IDI1: variants seen among roughly 807,000 people sequenced by gnomAD.
IDI1 encodes the protein isopentenyl-diphosphate Delta-isomerase 1.
IDI1 carries 23 observed loss-of-function variants against 32.9 expected under a neutral mutation model. The observed-to-expected ratio is 0.70, with a 90% CI of 0.50 to 0.99. The LOEUF (loss-of-function observed/expected upper bound fraction) is 0.99, where lower values mean the gene tolerates loss of function less well. IDI1 is among the 50% of genes least tolerant of loss of function. The pLI is 0.00. For missense variants in IDI1, 326 were observed against 351.9 expected (o/e 0.93, Z 0.59); for synonymous variants, 133 against 128.2 (o/e 1.04, Z -0.25).
chr10:1,051,101 T>A (rs1474102958), upstream of IDI1, among the ~76,000 whole-genome samples: 5 of 152,246 alleles, frequency 3.3e-5, no homozygotes, highest in African/African-American at 1.2e-4. Context: ...AATGCCTATT[T>A]TCCTGTGCGT....
chr10:1,039,941 T>G lies in IDI1; in HGVS notation c.*1246A>C, dbSNP rs1014694094. 6.6e-6 allele frequency: 1 copy of G among 152,224 alleles called. No individual in the cohort carries two copies. The highest frequency in any genetic ancestry group is 1.5e-5 in the Non-Finnish European group (1 of 68,036). The allele number at this position is 152,224 out of a possible 1,614,324, so 9.4% of individuals were successfully genotyped here. ...CAATTTTTTTTACTTTTCAATAAAA[T>G]ACTTGCTAAACAGTCTTGTCTGAAA... On this transcript the variant is annotated 3_prime_UTR_variant, in exon 5 of 5. Transcript: ENST00000381344.
intron 1 of IDI1, chr10:1,048,126 G>T: frequency 2.8e-6 from 2 of 713,792 alleles, no homozygotes; most frequent in Non-Finnish European, 4.2e-6. Context: ...CTCCCAAAGT[G>T]CTGGGATTAA....
upstream of IDI1, among the ~76,000 whole-genome samples, chr10:1,051,609 T>C (rs1833015670): frequency 6.6e-6 from 1 of 152,202 alleles, no homozygotes; most frequent in African/African-American, 2.4e-5. Context: ...TTATGTGCAT[T>C]TCCCATTTTG....
rs781744467 is a variant in IDI1, at chr10:1,048,908, C to G, written c.96G>C (p.Gly32=). The G allele has an allele frequency of 6.2e-7, 1 of 1,606,034 alleles. No homozygotes were observed. The highest frequency in any genetic ancestry group is 1.1e-5 in the South Asian group (1 of 90,596). ...AVRAADCAQS[G]RHPGPAVVCG... ...AGACAACCGCCGGTCCCGGATGGCG[C>G]CCGCTTTGAGCACAGTCTGCGGCGC... The change falls in exon 1 of 5, where the codon GGG becomes GGC. Residue 32 remains glycine, a synonymous_variant. Coordinates refer to ENST00000381344, the MANE Select transcript of IDI1 (RefSeq NM_004508.4).
Position 1,040,413 on chromosome 10 carries a change from G to A in IDI1, c.*774C>T, listed in dbSNP as rs2131565204. The A allele has an allele frequency of 6.6e-6, 1 of 152,354 alleles. No homozygotes were observed. The highest frequency in any genetic ancestry group is 1.9e-4 in the East Asian group (1 of 5,186). 9.4% of individuals were successfully genotyped at this position (152,354 alleles called of 1,614,324 possible). On this transcript the variant is annotated 3_prime_UTR_variant, in exon 5 of 5. Transcript: ENST00000381344. ...CACAGGGGTTTTATCCAGCCCAAAT[G>A]TCAACAGTGTCAAGTTTAAGCAACT...
the IDI1 span, among the ~76,000 whole-genome samples, chr10:1,055,483 T>C: frequency 6.6e-6 from 1 of 152,204 alleles, no homozygotes; most frequent in Non-Finnish European, 1.5e-5. Context: ...GCGGGTTAAT[T>C]AGATGGGACA....
chr10:1,055,969 C>T, the IDI1 span, among the ~76,000 whole-genome samples: 1 of 152,174 alleles, frequency 6.6e-6, no homozygotes, highest in Admixed American at 6.5e-5. Context: ...CCGCCACGCC[C>T]GGCTAGTTTT....
At chr10:1,050,701 C>T (rs1433462739), upstream of IDI1, among the ~76,000 whole-genome samples, 1 of 152,214 alleles carries the variant, frequency 6.6e-6, no homozygotes, top group Non-Finnish European at 1.5e-5. Context: ...CACAGGGCCA[C>T]TCACACACCC....
At chr10:1,049,811 C>G (rs1045266859), upstream of IDI1, among the ~76,000 whole-genome samples, 10 of 152,304 alleles carry the variant, frequency 6.6e-5, no homozygotes, top group African/African-American at 2.4e-4. Flanking sequence ...TGCGCCACCA[C>G]GCCCGGCTTA....
chr10:1,049,205 G>C, upstream of IDI1: 1 of 871,316 alleles, frequency 1.1e-6, no homozygotes, highest in South Asian at 2.0e-5. Context: ...GCGACTGGGC[G>C]GTGCCCGAGA....
At chr10:1,043,732 C>T (rs755655077) in intron 2 of IDI1, 1 of 655,054 alleles carries the variant, frequency 1.5e-6, no homozygotes, top group Non-Finnish European at 2.8e-6. Context: ...AGAGGCTAGG[C>T]TGCTGCTGTA....
chr10:1,044,427 C>T (rs1175641863), intron 1 of IDI1, among the ~76,000 whole-genome samples: 1 of 152,166 alleles, frequency 6.6e-6, no homozygotes, highest in African/African-American at 2.4e-5. Flanking sequence ...AATTCTTGAC[C>T]TCTGAGATCC....
chr10:1,043,930 T>G (rs1459792205), intron 2 of IDI1, 69 bp downstream of exon 2: 4 of 1,316,440 alleles, frequency 3.0e-6, no homozygotes, highest in Admixed American at 3.8e-5. Flanking sequence ...TTGAACAGAG[T>G]GCTCTTCTCA....
At chr10:1,049,164 C>G (rs1357012183), upstream of IDI1, 1 of 1,194,192 alleles carries the variant, frequency 8.4e-7, no homozygotes, top group African/African-American at 1.6e-5. Context: ...GTCAACACGC[C>G]CCACCCCCAG....
rs901204619 is a variant in IDI1, at chr10:1,049,089, A to G, written c.-86T>C. ...TGGTGCCACCTCCCTGGCCTGTGACAACGGCAGACGCGCGAAGCACCGGGA... is the reference window on the plus strand; with the variant it reads ...TGGTGCCACCTCCCTGGCCTGTGACGACGGCAGACGCGCGAAGCACCGGGA... On this transcript the variant is annotated 5_prime_UTR_variant, in exon 1 of 5. Transcript: ENST00000381344. 1.4e-6 allele frequency: 2 copies of G among 1,412,618 alleles called. No individual in the cohort carries two copies. The highest frequency in any genetic ancestry group is 3.0e-5 in the African/African-American group (2 of 66,002). 87.5% of individuals were successfully genotyped at this position (1,412,618 alleles called of 1,614,324 possible).
At chr10:1,043,941 G>T in intron 2 of IDI1, 58 bp downstream of exon 2, 1 of 1,452,052 alleles carries the variant, frequency 6.9e-7, no homozygotes, top group Non-Finnish European at 9.5e-7. Flanking sequence ...GCTCTTCTCA[G>T]CAAATCGGAA....
chr10:1,041,420 A>G lies in IDI1; in HGVS notation c.622T>C (p.Tyr208His), dbSNP rs775990387. The change falls in exon 5 of 5, where the codon TAC becomes CAC. Residue 208 changes from tyrosine (Y) to histidine (H), a missense_variant. Physicochemically the swap from Tyr to His is moderately conservative, Grantham distance 83. Around this residue, in one of 2 missense-constraint regions of IDI1, gnomAD observed 205 missense variants for 273.5 expected, o/e 0.75. Transcript: ENST00000381344. ...ACATTCTTCCTCACCAACAAAATGT[A>G]ATCAATTTCATGTTCACCCCAGATA... ...DGIWGEHEID[Y>H]ILLVRKNVTL... 1 of 1,611,000 alleles carries G rather than the reference A, an allele frequency of 6.2e-7. No homozygotes were observed. Among genetic ancestry groups the G allele is most frequent in the Non-Finnish European group, 8.5e-7 (1 of 1,177,284 alleles).
At chr10:1,051,975 CA>C (rs1833025393), upstream of IDI1, among the ~76,000 whole-genome samples, 2 of 152,176 alleles carry the variant, frequency 1.3e-5, no homozygotes, top group African/African-American at 2.4e-5. Flanking sequence ...TGGGTTCAAG[CA>C]ATTCTCCTAC....
rs1476424643 is a variant in IDI1, at chr10:1,043,326, T to A, written c.381A>T (p.Arg127Ser). 3 of 1,605,688 alleles carry A rather than the reference T, an allele frequency of 1.9e-6. No homozygotes were observed. The highest frequency in any genetic ancestry group is 2.6e-6 in the Non-Finnish European group (3 of 1,172,560). ...CTGGAAAGGTAATCTTAGCATCTGA[T>A]CTTTGCTGTAGCAGAAGCTTATTTT... ...NTENKLLLQQRSDAKITFPGC... is the reference protein window; with the variant it reads ...NTENKLLLQQSSDAKITFPGC... Residue 127 changes from arginine (R) to serine (S), a missense_variant, in exon 3 of 5, where the codon AGA becomes AGT. This residue lies in a region of IDI1 where 205 missense variants were observed against 273.5 expected (regional missense o/e 0.75). Coordinates refer to ENST00000381344, the MANE Select transcript of IDI1 (RefSeq NM_004508.4).
Sources: allele counts gnomAD v4.1 joint callset (sites outside exome capture counted in the v4.1 genomes callset), GRCh38; gene constraint gnomAD v4.1.1; regional missense constraint gnomAD v4.1.1; transcripts MANE v1.5; gene names NCBI Gene and HGNC (gene_info 2026-07-23, HGNC 2026-07-21).